Variants in BPTF observed in about 807,000 individuals in gnomAD.
The protein encoded by BPTF is nucleosome-remodeling factor subunit BPTF.
A neutral mutation model predicts 292.5 loss-of-function variants in BPTF; 18 were observed. The observed-to-expected ratio is 0.06, with a 90% confidence interval of 0.04 to 0.09. The LOEUF (loss-of-function observed/expected upper bound fraction) is 0.09, where lower values mean the gene tolerates loss of function less well. Among genes scored for constraint, BPTF ranks in the 10% least tolerant of loss-of-function variants. The probability of loss-of-function intolerance (pLI) is 1.00; values close to 1 mark genes in which losing one functional copy is unlikely to be tolerated. For synonymous variants in BPTF, 1,225 were observed against 1,251.9 expected, an observed-to-expected ratio of 0.98 and a Z score of 0.45; for missense variants, 2,726 against 3,498.7, an observed-to-expected ratio of 0.78 and a Z score of 5.57.
chr17:67,973,112 C>A (rs1368879305), intron 26 of BPTF, among the ~76,000 whole-genome samples: 1 of 147,642 alleles, frequency 6.8e-6, no homozygotes, highest in Non-Finnish European at 1.5e-5. Context: ...CGGTGGCTCA[C>A]GCCTGTAATC....
intron 22 of BPTF, 54 bp from the exon 23 acceptor site, chr17:67,948,027 A>C: frequency 6.6e-7 from 1 of 1,520,654 alleles, no homozygotes; most frequent in East Asian, 2.3e-5. Context: ...ATGATGTCTT[A>C]AGCCTTTCAA....
chr17:67,895,208 C>T (rs2061358027), intron 7 of BPTF, among the ~76,000 whole-genome samples: 2 of 151,722 alleles, frequency 1.3e-5, no homozygotes, highest in African/African-American at 4.8e-5. Flanking sequence ...TGGCACATGC[C>T]TGTAGTCCCA....
chr17:67,874,324 G>T (rs1421685675), intron 3 of BPTF, among the ~76,000 whole-genome samples: 2 of 152,090 alleles, frequency 1.3e-5, no homozygotes, highest in Non-Finnish European at 2.9e-5. Context: ...TTTCCAAAAG[G>T]GCCTCTGTTT....
intron 26 of BPTF, among the ~76,000 whole-genome samples, chr17:67,967,794 G>A (rs1392224918): frequency 1.3e-5 from 2 of 150,368 alleles, no homozygotes; most frequent in Admixed American, 6.6e-5. Flanking sequence ...ATTCCAGCCT[G>A]GACGACAGAG....
Position 67,911,942 on chromosome 17 carries a change from G to A in BPTF, c.4058G>A (p.Gly1353Glu), listed in dbSNP as rs1457447318. 1.2e-6 allele frequency: 2 copies of A among 1,613,914 alleles called. No homozygotes were observed. The highest frequency in any genetic ancestry group is 1.3e-5 in the African/African-American group (1 of 74,888). The change falls in exon 11 of 28, where the codon GGG becomes GAG. Residue 1353 changes from glycine (G) to glutamate (E), a missense_variant. Around this residue, in one of 22 missense-constraint regions of BPTF, gnomAD observed 713 missense variants for 714.9 expected, o/e 1.00. Transcript: ENST00000306378. Reference sequence around the variant, plus strand: ...TGTGAGGACAGGCTGCCGGTCAAGGGGACTGAAGCAAATGGTAAAAAACCA... The same window carrying A: ...TGTGAGGACAGGCTGCCGGTCAAGGAGACTGAAGCAAATGGTAAAAAACCA... Reference protein sequence around the residue: ...GNCEDRLPVKGTEANGKKPSQ... With the variant: ...GNCEDRLPVKETEANGKKPSQ...
intron 22 of BPTF, 88 bp downstream of exon 22, chr17:67,947,896 T>G (rs1022385779): frequency 1.5e-5 from 20 of 1,342,748 alleles, no homozygotes; most frequent in Non-Finnish European, 1.7e-5. Flanking sequence ...CTTGTTTATC[T>G]TGATTGAAGT....
intron 9 of BPTF, among the ~76,000 whole-genome samples, chr17:67,907,515 C>T (rs769736049): frequency 2.6e-5 from 4 of 151,918 alleles, no homozygotes; most frequent in South Asian, 2.1e-4. Context: ...GCCACCACGC[C>T]GAGCTAATTT....
chr17:67,965,029 T>C (rs1598965468), intron 25 of BPTF: 1 of 139,584 alleles, frequency 7.2e-6, no homozygotes, highest in African/African-American at 2.7e-5. Context: ...AAGATTATAG[T>C]TATTCTTTTC....
In BPTF at chr17:67,947,812, G is replaced by T. The variant is rs1267327342; in HGVS notation, c.7700+4G>T. On this transcript the variant is annotated splice_donor_region_variant and intron_variant, in intron 22 of 27. Transcript: ENST00000306378. The stretch of plus-strand genomic sequence containing the variant: ...CTGAAAGAGAAGAGAATCAAAGGTA[G>T]GGGAGACGCAGGGTCTTGTTGTCTG... 1.2e-5 allele frequency: 18 copies of T among 1,551,650 alleles called. No homozygotes were observed. The East Asian group carries it at 3.7e-4, about 32-fold the overall frequency.
Position 67,940,580 on chromosome 17 carries a change from C to T in BPTF, c.6401C>T (p.Ala2134Val), listed in dbSNP as rs1555671487. ...TCCACTTCAAATATACAGTCTTCAG[C>T]CTCACAACCCCCTCGCCCCCAACAA... Reference protein sequence around the residue: ...ATSTSNIQSSASQPPRPQQGQ... With the variant: ...ATSTSNIQSSVSQPPRPQQGQ... The change falls in exon 19 of 28, where the codon GCC (alanine) becomes GTC (valine). Residue 2134 changes from alanine (A) to valine (V), a missense_variant. Physicochemically the swap from Ala to Val is moderately conservative, Grantham distance 64 (BLOSUM62 0). Coordinates refer to ENST00000306378, the MANE Select transcript of BPTF (RefSeq NM_182641.4). The T allele has an allele frequency of 6.2e-7, 1 of 1,614,104 alleles. No individual in the cohort carries two copies. The highest frequency in any genetic ancestry group is 8.5e-7 in the Non-Finnish European group (1 of 1,180,032).
intron 23 of BPTF, among the ~76,000 whole-genome samples, chr17:67,958,614 A>G (rs2067170786): frequency 2.0e-5 from 3 of 151,940 alleles, no homozygotes; most frequent in Non-Finnish European, 2.9e-5. Context: ...CTGTAATCCT[A>G]GCTAGTTGGG....
chr17:67,956,677 A>G (rs2066973223), intron 23 of BPTF: 1 of 151,760 alleles, frequency 6.6e-6, no homozygotes, highest in African/African-American at 2.4e-5. Context: ...AAAAAAAAAA[A>G]AAACGGTCAG....
At chr17:67,893,053 A>G (rs754487669) in intron 5 of BPTF, among the ~76,000 whole-genome samples, 2 of 152,148 alleles carry the variant, frequency 1.3e-5, no homozygotes, top group African/African-American at 4.8e-5. Flanking sequence ...GAAAAAAATG[A>G]TAGGTGAGTA....
intron 1 of BPTF, among the ~76,000 whole-genome samples, chr17:67,843,754 CTTTTTTTTTTT>C (rs56335701): frequency 0.011 from 695 of 62,232 alleles, 20 homozygotes; most frequent in African/African-American, 0.049. Context: ...GAGCAGTTGT[CTTTTTTTTTTT>C]TTTTTTTTTT....
intron 1 of BPTF, among the ~76,000 whole-genome samples, chr17:67,846,849 C>T (rs747215543): frequency 2.6e-5 from 4 of 152,100 alleles, no homozygotes; most frequent in Admixed American, 6.6e-5. Flanking sequence ...TACAGGCACA[C>T]GTCACCACAC....
chr17:67,947,251 G>C (rs1455318969), intron 21 of BPTF, among the ~76,000 whole-genome samples: 1 of 152,190 alleles, frequency 6.6e-6, no homozygotes, highest in Non-Finnish European at 1.5e-5. Flanking sequence ...CAGCTTTACT[G>C]TGTATCTATA....
At chr17:67,921,453 G>A (rs1444778822) in intron 13 of BPTF, among the ~76,000 whole-genome samples, 3 of 151,698 alleles carry the variant, frequency 2.0e-5, no homozygotes, top group African/African-American at 7.3e-5. Flanking sequence ...TTATACCCAG[G>A]GGGCAGAAGT....
intron 5 of BPTF, among the ~76,000 whole-genome samples, chr17:67,892,926 T>TCTTA (rs2061218325): frequency 6.6e-6 from 1 of 152,160 alleles, no homozygotes; most frequent in Admixed American, 6.5e-5. Flanking sequence ...ATCCATGGGG[T>TCTTA]CTTACACTGT....
intron 14 of BPTF, among the ~76,000 whole-genome samples, chr17:67,923,471 C>CTTTTTTTTTTTTTTT (rs58462646): frequency 1.5e-5 from 1 of 67,516 alleles, no homozygotes; most frequent in African/African-American, 5.9e-5. Flanking sequence ...CTCTCTCTGT[C>CTTTTTTTTTTTTTTT]TTTTTTTTTT....
Sources: gnomAD v4.1 joint callset for allele counts (sites outside exome capture counted in the v4.1 genomes callset) on GRCh38, gnomAD v4.1.1 for gene constraint, gnomAD v4.1.1 regional missense constraint, MANE v1.5 for transcripts, NCBI Gene and HGNC (gene_info 2026-07-23, HGNC 2026-07-21) for gene names.